LRRC4C: variants seen among roughly 807,000 people sequenced by gnomAD.
LRRC4C encodes leucine-rich repeat-containing protein 4C.
Under a neutral mutation model 33.6 loss-of-function variants are expected in LRRC4C, and 5 were observed. The ratio of observed to expected loss-of-function variants is 0.15; its 90% CI spans 0.08 to 0.31. LRRC4C has a LOEUF of 0.31. Among genes scored for constraint, LRRC4C ranks in the 10% least tolerant of loss-of-function variants. The probability of loss-of-function intolerance (pLI) is 1.00; values close to 1 mark genes in which losing one functional copy is unlikely to be tolerated. For missense variants in LRRC4C, 560 were observed against 796.7 expected, an observed-to-expected ratio of 0.70 and a Z score of 3.58; for synonymous variants, 329 against 302.0, an observed-to-expected ratio of 1.09 and a Z score of -0.93.
chr11:41,264,029 A>G (rs1306377479), intron 1 of LRRC4C, among the ~76,000 whole-genome samples: 2 of 152,092 alleles, frequency 1.3e-5, no homozygotes, highest in Admixed American at 1.3e-4. Flanking sequence ...ATCATAAAGT[A>G]TAATACAAAA....
chr11:40,212,105 T>C (rs935129447), intron 5 of LRRC4C, among the ~76,000 whole-genome samples: 1 of 152,142 alleles, frequency 6.6e-6, no homozygotes, highest in African/African-American at 2.4e-5. Context: ...ATTCTAAGAG[T>C]CATGTTTATT....
At chr11:40,588,495 T>C (rs543391679) in intron 3 of LRRC4C, among the ~76,000 whole-genome samples, 21 of 151,900 alleles carry the variant, frequency 1.4e-4, no homozygotes, top group African/African-American at 4.8e-4. Flanking sequence ...GCTCTGATTT[T>C]AGTTATTTCT....
intron 1 of LRRC4C, among the ~76,000 whole-genome samples, chr11:41,295,355 A>G (rs969021142): frequency 3.9e-5 from 6 of 152,318 alleles, no homozygotes; most frequent in Admixed American, 2.6e-4. Flanking sequence ...GCGGTAAAAA[A>G]AAGCAGATAG....
intron 4 of LRRC4C, among the ~76,000 whole-genome samples, chr11:40,261,690 T>C (rs1009363469): frequency 6.6e-6 from 1 of 151,966 alleles, no homozygotes. Context: ...TTCCATGCAG[T>C]GATGAAGCTA....
intron 3 of LRRC4C, among the ~76,000 whole-genome samples, chr11:40,338,504 C>T (rs999775001): frequency 6.6e-6 from 1 of 152,114 alleles, no homozygotes; most frequent in Admixed American, 6.5e-5. Flanking sequence ...TTCCAGAGGA[C>T]AGAAGTTTTA....
chr11:40,134,342 TAAATG>T (rs1446015929), intron 6 of LRRC4C, among the ~76,000 whole-genome samples: 2 of 152,182 alleles, frequency 1.3e-5, no homozygotes, highest in African/African-American at 4.8e-5. Flanking sequence ...GTAAGTAGAA[TAAATG>T]AAATAACACC....
chr11:40,639,222 A>G (rs968151251), intron 3 of LRRC4C, among the ~76,000 whole-genome samples: 2 of 152,170 alleles, frequency 1.3e-5, no homozygotes, highest in African/African-American at 2.4e-5. Flanking sequence ...AGCAAATATA[A>G]TATCATGTGG....
At chr11:40,379,695 T>C (rs1948790353) in intron 3 of LRRC4C, among the ~76,000 whole-genome samples, 1 of 152,188 alleles carries the variant, frequency 6.6e-6, no homozygotes, top group Non-Finnish European at 1.5e-5. Flanking sequence ...AGTTTATCAG[T>C]CTTCATACTG....
chr11:41,022,850 C>T (rs115316760), intron 1 of LRRC4C, among the ~76,000 whole-genome samples: 10 of 151,970 alleles, frequency 6.6e-5, no homozygotes, highest in South Asian at 2.1e-4. Flanking sequence ...TGCCTCAAAA[C>T]GAAGAGAACA....
chr11:40,176,264 G>A (rs1351162160), intron 5 of LRRC4C, among the ~76,000 whole-genome samples: 1 of 151,986 alleles, frequency 6.6e-6, no homozygotes, highest in Non-Finnish European at 1.5e-5. Flanking sequence ...GATAGAACGC[G>A]GCATTATGTG....
At chr11:40,540,239 A>C (rs911420200) in intron 3 of LRRC4C, among the ~76,000 whole-genome samples, 1 of 152,178 alleles carries the variant, frequency 6.6e-6, no homozygotes, top group South Asian at 2.1e-4. Context: ...GCTGAACTGA[A>C]TAGGTGTCAA....
intron 3 of LRRC4C, among the ~76,000 whole-genome samples, chr11:40,468,403 C>G (rs1336812826): frequency 6.6e-6 from 1 of 152,258 alleles, no homozygotes; most frequent in East Asian, 1.9e-4. Context: ...AAAGACATCA[C>G]CTGTTTGGAT....
At chr11:40,314,931 G>A (rs1403458674) in intron 4 of LRRC4C, among the ~76,000 whole-genome samples, 2 of 151,838 alleles carry the variant, frequency 1.3e-5, no homozygotes, top group Non-Finnish European at 2.9e-5. Context: ...AGGGAGATTT[G>A]TTAAAGGATA....
intron 6 of LRRC4C, among the ~76,000 whole-genome samples, chr11:40,137,684 T>C (rs1857075634): frequency 6.6e-6 from 1 of 152,188 alleles, no homozygotes; most frequent in Non-Finnish European, 1.5e-5. Flanking sequence ...AAAAGGACCC[T>C]GGGGAATTAG....
chr11:40,407,587 G>A (rs552690554), intron 3 of LRRC4C, among the ~76,000 whole-genome samples: 14 of 152,142 alleles, frequency 9.2e-5, no homozygotes, highest in African/African-American at 3.4e-4. Context: ...ATATATTATA[G>A]GCAAAGAAAG....
Position 40,281,274 on chromosome 11 carries a change from G to A in LRRC4C, c.-176+38354C>T, listed in dbSNP as rs138960510. ...TTTGCCTTTTCAGTTAGTAAAAATC[G>A]GAGTCCTCTAGATCCCTCCCCATAA... On this transcript the variant is annotated intron_variant, in intron 4 of 6. Coordinates refer to ENST00000528697, the MANE Select transcript of LRRC4C (RefSeq NM_001258419.2). 7.9e-5 allele frequency among the ~76,000 whole-genome samples: 12 copies of A among 152,112 alleles called. No individual in the cohort carries two copies. In the East Asian group the frequency reaches 9.7e-4, roughly 12 times the overall value.
At chr11:40,790,305 T>C (rs1950574771) in intron 2 of LRRC4C, among the ~76,000 whole-genome samples, 1 of 152,216 alleles carries the variant, frequency 6.6e-6, no homozygotes, top group Admixed American at 6.5e-5. Context: ...TACACAGACA[T>C]TGGCATCATA....
intron 1 of LRRC4C, among the ~76,000 whole-genome samples, chr11:41,079,307 T>C (rs1054799812): frequency 1.3e-5 from 2 of 152,172 alleles, no homozygotes; most frequent in African/African-American, 4.8e-5. Flanking sequence ...CATGGAGAAG[T>C]AGCAATATCT....
At chr11:40,312,834 T>C (rs1299605799) in intron 4 of LRRC4C, among the ~76,000 whole-genome samples, 3 of 151,160 alleles carry the variant, frequency 2.0e-5, no homozygotes, top group African/African-American at 7.4e-5. Context: ...TATTTGAGCA[T>C]TTAATTGCTT....
Sources: allele counts gnomAD v4.1 joint callset (sites outside exome capture counted in the v4.1 genomes callset), GRCh38; gene constraint gnomAD v4.1.1; transcripts MANE v1.5; gene names NCBI Gene and HGNC (gene_info 2026-07-23, HGNC 2026-07-21).